GABRB2: variants seen among roughly 807,000 people sequenced by gnomAD.
GABRB2 encodes gamma-aminobutyric acid receptor subunit beta-2.
GABRB2 carries 16 observed loss-of-function variants against 54.7 expected under a neutral mutation model. That is an observed-to-expected ratio of 0.29 (90% CI 0.20 to 0.44). GABRB2 has a LOEUF of 0.44. GABRB2 is among the 20% of genes least tolerant of loss of function. The pLI is 1.00. For missense variants in GABRB2, 355 were observed against 644.0 expected (o/e 0.55, Z 4.86); for synonymous variants, 244 against 233.8 (o/e 1.04, Z -0.40).
rs75533932 is a variant in GABRB2 at position 161,522,136 on chromosome 5, T to A, written c.237+23091A>T. 5.7e-3 allele frequency among the ~76,000 whole-genome samples: 871 copies of A among 151,964 alleles called. 8 individuals carry two copies. The highest frequency in any genetic ancestry group is 0.02 in the African/African-American group (814 of 41,536). On this transcript the variant is annotated intron_variant, in intron 3 of 9. Coordinates refer to ENST00000393959, the MANE Select transcript of GABRB2 (RefSeq NM_001371727.1). ...TCATTTTCTGTATATGAATCTTGGA[T>A]CTTTGTCATTTGAAGATAAAGCTCT...
intron 3 of GABRB2, among the ~76,000 whole-genome samples, chr5:161,503,050 T>C (rs1157976335): frequency 6.6e-6 from 1 of 151,172 alleles, no homozygotes; most frequent in Non-Finnish European, 1.5e-5. Flanking sequence ...ACTCCTAGAC[T>C]AGAAGCAGCA....
chr5:161,405,850 G>A (rs772782854), intron 5 of GABRB2, among the ~76,000 whole-genome samples: 1 of 151,874 alleles, frequency 6.6e-6, no homozygotes, highest in Non-Finnish European at 1.5e-5. Flanking sequence ...TGACCCCTTC[G>A]ACAAGGATGA....
rs1314685842 is a variant in GABRB2, at chr5:161,291,448, G to C, written c.*2633C>G. 1.3e-5 allele frequency: 2 copies of C among 152,014 alleles called. No homozygotes were observed. Among genetic ancestry groups the C allele is most frequent in the Non-Finnish European group, 2.9e-5 (2 of 68,004 alleles). The allele number at this position is 152,014 out of a possible 1,614,324, so 9.4% of individuals were successfully genotyped here. A position where few individuals can be genotyped will look rare whatever the true frequency, so the allele number is the denominator to read the frequency against. On this transcript the variant is annotated 3_prime_UTR_variant, in exon 10 of 10. Coordinates refer to ENST00000393959, the MANE Select transcript of GABRB2 (RefSeq NM_001371727.1). ...TCATTTCAACGAAACATATATTTAA[G>C]AACAAATTCTACATCTACTGTTATT...
At chr5:161,415,589 C>T (rs1273486458) in intron 4 of GABRB2, among the ~76,000 whole-genome samples, 2 of 151,898 alleles carry the variant, frequency 1.3e-5, no homozygotes, top group Non-Finnish European at 2.9e-5. Context: ...CATAGTATTC[C>T]AAGTTTGGGT....
At position 161,448,059 on chromosome 5, in the gene GABRB2, T is replaced by A. The variant is rs1757685571; in HGVS notation, c.458+11565A>T. ...CAAGAAACTCAAAGGGATAATGATG[T>A]TTGTGCAGCCTTGAAATTAAAATGT... is the stretch of plus-strand genomic sequence containing the variant. On this transcript the variant is annotated intron_variant, in intron 4 of 9. Transcript: ENST00000393959. 2.0e-5 allele frequency among the ~76,000 whole-genome samples: 3 copies of A among 152,164 alleles called. 1 individual carries two copies. In the South Asian group the frequency reaches 6.2e-4, roughly 31 times the overall value.
At chr5:161,365,227 C>T (rs1184073251) in intron 5 of GABRB2, among the ~76,000 whole-genome samples, 1 of 152,108 alleles carries the variant, frequency 6.6e-6, no homozygotes, top group African/African-American at 2.4e-5. Context: ...GAAAAGAAAA[C>T]AAGGTGTCAA....
intron 4 of GABRB2, among the ~76,000 whole-genome samples, chr5:161,428,272 T>C (rs1162651694): frequency 6.7e-6 from 1 of 148,690 alleles, no homozygotes; most frequent in Non-Finnish European, 1.5e-5. Context: ...AACATATCTA[T>C]CATCTCAGAG....
intron 5 of GABRB2, among the ~76,000 whole-genome samples, chr5:161,348,376 A>T (rs904032189): frequency 2.0e-5 from 3 of 152,082 alleles, no homozygotes; most frequent in African/African-American, 7.2e-5. Flanking sequence ...AATTTCTGTA[A>T]ATCTCCTTAA....
intron 4 of GABRB2, among the ~76,000 whole-genome samples, chr5:161,418,551 C>T (rs147944696): frequency 8.2e-4 from 124 of 152,136 alleles, no homozygotes; most frequent in African/African-American, 2.8e-3. Context: ...CAGAAGTAAA[C>T]GTAAGAAAAA....
intron 9 of GABRB2, among the ~76,000 whole-genome samples, chr5:161,309,717 G>A (rs937488981): frequency 1.3e-4 from 19 of 150,508 alleles, no homozygotes; most frequent in Non-Finnish European, 1.5e-4. Flanking sequence ...TGCAAGCTCC[G>A]CCTCCCAGGT....
At chr5:161,401,213 G>A (rs561886081) in intron 5 of GABRB2, among the ~76,000 whole-genome samples, 1 of 152,240 alleles carries the variant, frequency 6.6e-6, no homozygotes, top group African/African-American at 2.4e-5. Flanking sequence ...GAACCCAGAA[G>A]GTGGGTTTTC....
At chr5:161,473,771 AG>A (rs1175288646) in intron 3 of GABRB2, among the ~76,000 whole-genome samples, 1 of 151,962 alleles carries the variant, frequency 6.6e-6, no homozygotes, top group East Asian at 1.9e-4. Context: ...GCCATGTTAA[AG>A]GTGCTAAGTG....
chr5:161,356,744 G>C (rs1754642435), intron 5 of GABRB2, among the ~76,000 whole-genome samples: 1 of 152,150 alleles, frequency 6.6e-6, no homozygotes, highest in South Asian at 2.1e-4. Flanking sequence ...GAGCAAACCA[G>C]AGATGCAGAG....
At chr5:161,317,624 G>A (rs556826881) in intron 9 of GABRB2, among the ~76,000 whole-genome samples, 1 of 152,166 alleles carries the variant, frequency 6.6e-6, no homozygotes, top group Admixed American at 6.5e-5. Context: ...AGCTATTCCA[G>A]AAAACATACA....
chr5:161,519,379 TA>T (rs540750468), intron 3 of GABRB2, among the ~76,000 whole-genome samples: 3 of 152,234 alleles, frequency 2.0e-5, no homozygotes, highest in Non-Finnish European at 4.4e-5. Context: ...AAGAAGAATA[TA>T]TTTCCCAGAT....
In GABRB2 at chr5:161,517,942, GCCCGCCACCACA is replaced by G. The variant is rs199725851; in HGVS notation, c.237+27273_237+27284del. ...CTCCCAAGTAACTGGGACTACAGGC[GCCCGCCACCACA>G]CCCGCCACCACGCCCGGCTAATTTT... On this transcript the variant is annotated intron_variant, in intron 3 of 9. Transcript: ENST00000393959. Among the ~76,000 whole-genome samples the G allele has an allele frequency of 6.8e-3, 1,040 of 151,872 alleles. 13 individuals carry two copies. The highest frequency in any genetic ancestry group is 0.023 in the African/African-American group (972 of 41,438).
At chr5:161,525,383 T>C (rs1581058481) in intron 3 of GABRB2, among the ~76,000 whole-genome samples, 1 of 151,282 alleles carries the variant, frequency 6.6e-6, no homozygotes. Context: ...GATTGGAAAA[T>C]AAATATATAG....
rs963002120 is a variant in GABRB2, at chr5:161,422,471, A to G, written c.459-11414T>C. Among the ~76,000 whole-genome samples the G allele has an allele frequency of 4.6e-5, 7 of 152,292 alleles. No individual in the cohort carries two copies. In the South Asian group the frequency reaches 1.5e-3, roughly 32 times the overall value. ...CATAGGAAAGTTTTATTAATAAGTGAAAGTTAAAATAGCATACAGGAAATC... is the reference window on the plus strand; with the variant it reads ...CATAGGAAAGTTTTATTAATAAGTGGAAGTTAAAATAGCATACAGGAAATC... On this transcript the variant is annotated intron_variant, in intron 4 of 9. Transcript: ENST00000393959.
chr5:161,351,578 C>T (rs1754471010), intron 5 of GABRB2, among the ~76,000 whole-genome samples: 1 of 152,006 alleles, frequency 6.6e-6, no homozygotes, highest in Non-Finnish European at 1.5e-5. Context: ...AAATGTAAGA[C>T]CTAAAAATGT....
Sources: gnomAD v4.1 joint callset for allele counts (sites outside exome capture counted in the v4.1 genomes callset) on GRCh38, gnomAD v4.1.1 for gene constraint, MANE v1.5 for transcripts, NCBI Gene and HGNC (gene_info 2026-07-23, HGNC 2026-07-21) for gene names.